Variants in DOCK7 observed in about 807,000 individuals in gnomAD.
The protein encoded by DOCK7 is dedicator of cytokinesis protein 7.
DOCK7 carries 138 observed loss-of-function variants against 271.0 expected under a neutral mutation model. That is an observed-to-expected ratio of 0.51 (90% CI 0.44 to 0.59). The LOEUF (loss-of-function observed/expected upper bound fraction) is 0.59, where lower values mean the gene tolerates loss of function less well. Ranked by LOEUF, DOCK7 falls within the 20% of genes least tolerant of loss-of-function variation. The probability of loss-of-function intolerance (pLI) is 0.00; values close to 1 mark genes in which losing one functional copy is unlikely to be tolerated. For synonymous variants in DOCK7, 823 were observed against 876.1 expected, an observed-to-expected ratio of 0.94 and a Z score of 1.07; for missense variants, 2,066 against 2,592.4, an observed-to-expected ratio of 0.80 and a Z score of 4.41.
rs147015149 is a variant in DOCK7, at chr1:62,475,075, C to T, written c.6105+133G>A. On this transcript the variant is annotated intron_variant, in intron 47 of 49. Coordinates refer to ENST00000635253, the MANE Select transcript of DOCK7 (RefSeq NM_001367561.1). ...TCCTTCTTAATAGAATTTATAAGAT[C>T]GCATAGGTAGAAAAATACAGGCAGT... The T allele has an allele frequency of 1.4e-4, 134 of 983,250 alleles. No homozygotes were observed. The Middle Eastern group carries it at 2.4e-3, about 17-fold the overall frequency. The allele number at this position is 983,250 out of a possible 1,614,324, so 60.9% of individuals were successfully genotyped here.
intron 14 of DOCK7, chr1:62,604,820 T>A (rs201148287): frequency 3.1e-6 from 5 of 1,612,232 alleles, no homozygotes; most frequent in Non-Finnish European, 4.2e-6. Flanking sequence ...TTGAATGAAC[T>A]GAGGCAAATT....
At chr1:62,495,415 A>C (rs1646591783) in intron 39 of DOCK7, 166 bp downstream of exon 39, 2 of 448,524 alleles carry the variant, frequency 4.5e-6, no homozygotes, top group Non-Finnish European at 7.4e-6. Context: ...AATATGGTAA[A>C]ACCCCATCTC....
intron 31 of DOCK7, among the ~76,000 whole-genome samples, chr1:62,514,952 T>C (rs936331176): frequency 8.5e-5 from 13 of 152,076 alleles, no homozygotes; most frequent in African/African-American, 2.9e-4. Flanking sequence ...GTAGAGGGGA[T>C]GTTGAGAGGA....
At chr1:62,497,316 T>C (rs1311350555) in intron 37 of DOCK7, among the ~76,000 whole-genome samples, 1 of 152,204 alleles carries the variant, frequency 6.6e-6, no homozygotes, top group African/African-American at 2.4e-5. Context: ...TCCATGTCTT[T>C]GCTTCAACCA....
intron 7 of DOCK7, among the ~76,000 whole-genome samples, chr1:62,644,723 C>A (rs906406475): frequency 1.3e-5 from 2 of 152,090 alleles, no homozygotes; most frequent in Non-Finnish European, 2.9e-5. Context: ...AAATGATTTT[C>A]AAAAATATAT....
At chr1:62,679,388 A>G (rs1361215255) in intron 1 of DOCK7, among the ~76,000 whole-genome samples, 1 of 152,226 alleles carries the variant, frequency 6.6e-6, no homozygotes, top group Non-Finnish European at 1.5e-5. Flanking sequence ...TATAATCAAT[A>G]AACAACTAAT....
chr1:62,488,805 G>T, intron 42 of DOCK7, 129 bp downstream of exon 42: 1 of 1,188,676 alleles, frequency 8.4e-7, no homozygotes, highest in Non-Finnish European at 1.2e-6. Flanking sequence ...CTATCATTTT[G>T]ACCGCTCATT....
chr1:62,583,987 G>T, intron 15 of DOCK7: 1 of 255,322 alleles, frequency 3.9e-6, no homozygotes, highest in Non-Finnish European at 6.2e-6. Context: ...ATTCCTATGT[G>T]AGACAGACTT....
chr1:62,604,645 G>A (rs372985323), intron 14 of DOCK7: 24 of 1,612,992 alleles, frequency 1.5e-5, no homozygotes, highest in African/African-American at 2.7e-5. Context: ...GGCTGGTGGT[G>A]GCATGATGAG....
At chr1:62,491,663 A>G (rs544049044) in intron 41 of DOCK7, among the ~76,000 whole-genome samples, 1 of 152,252 alleles carries the variant, frequency 6.6e-6, no homozygotes, top group Non-Finnish European at 1.5e-5. Flanking sequence ...ATGAGTGGTC[A>G]TAACTTTCTT....
chr1:62,614,407 A>T (rs1247910040), intron 14 of DOCK7, among the ~76,000 whole-genome samples: 2 of 152,008 alleles, frequency 1.3e-5, no homozygotes, highest in Non-Finnish European at 2.9e-5. Flanking sequence ...AACAGCATCA[A>T]ATAGAATAAA....
chr1:62,555,096 C>G (rs556217542), intron 21 of DOCK7, among the ~76,000 whole-genome samples: 31 of 152,138 alleles, frequency 2.0e-4, no homozygotes, highest in African/African-American at 7.5e-4. Flanking sequence ...AATGAACAAC[C>G]AAAGGATTAT....
chr1:62,517,769 T>C (rs1160002772), intron 31 of DOCK7, among the ~76,000 whole-genome samples: 2 of 152,176 alleles, frequency 1.3e-5, no homozygotes, highest in Admixed American at 6.5e-5. Flanking sequence ...GGAATATATA[T>C]TGCTAGAACC....
intron 31 of DOCK7, 61 bp downstream of exon 31, chr1:62,528,090 C>T (rs901037938): frequency 7.9e-6 from 12 of 1,527,230 alleles, no homozygotes; most frequent in Admixed American, 5.8e-5. Flanking sequence ...TATTTAAGGG[C>T]ATATCCTAGT....
intron 2 of DOCK7, among the ~76,000 whole-genome samples, chr1:62,662,716 G>A (rs906984332): frequency 1.3e-5 from 2 of 152,050 alleles, no homozygotes; most frequent in Admixed American, 6.6e-5. Flanking sequence ...AGCCGAGAAC[G>A]CGCCACTGCA....
intron 12 of DOCK7, 199 bp downstream of exon 12, chr1:62,625,060 T>C: frequency 2.3e-6 from 1 of 426,864 alleles, no homozygotes; most frequent in Non-Finnish European, 4.0e-6. Context: ...AACATTTAAA[T>C]AAATATAATG....
intron 7 of DOCK7, among the ~76,000 whole-genome samples, chr1:62,647,079 C>A (rs1353460164): frequency 1.3e-5 from 2 of 152,280 alleles, no homozygotes; most frequent in African/African-American, 4.8e-5. Context: ...ATATAGACAT[C>A]GTCTGTCCCT....
chr1:62,477,676 T>C (rs1426112650), intron 44 of DOCK7, 24 bp downstream of exon 44: 1 of 1,561,294 alleles, frequency 6.4e-7, no homozygotes, highest in African/African-American at 1.4e-5. Flanking sequence ...AAGATGACAT[T>C]TTATGAACCA....
chr1:62,677,510 G>A (rs1389457688), intron 1 of DOCK7, among the ~76,000 whole-genome samples: 1 of 151,944 alleles, frequency 6.6e-6, no homozygotes, highest in Non-Finnish European at 1.5e-5. Context: ...CTTTGTGTGT[G>A]TGCAAAATAA....
Sources: allele counts gnomAD v4.1 joint callset (sites outside exome capture counted in the v4.1 genomes callset), GRCh38; gene constraint gnomAD v4.1.1; transcripts MANE v1.5; gene names NCBI Gene and HGNC (gene_info 2026-07-23, HGNC 2026-07-21).